UNC13C: variants seen among roughly 807,000 people sequenced by gnomAD.
The protein encoded by UNC13C is protein unc-13 homolog C.
In UNC13C, 174 loss-of-function variants were observed where a neutral mutation model predicts 245.4. That is an observed-to-expected ratio of 0.71 (90% CI 0.63 to 0.80). The LOEUF (loss-of-function observed/expected upper bound fraction) is 0.80. Ranked by LOEUF, UNC13C falls within the 30% of genes least tolerant of loss-of-function variation. UNC13C has a pLI of 0.00. For missense variants in UNC13C, 2,829 were observed against 2,602.9 expected (o/e 1.09, Z -1.89); for synonymous variants, 992 against 895.1 (o/e 1.11, Z -1.93).
chr15:53,906,953 G>A, the UNC13C span, among the ~76,000 whole-genome samples: 1 of 151,318 alleles, frequency 6.6e-6, no homozygotes, highest in African/African-American at 2.4e-5. Flanking sequence ...CATGATAACA[G>A]CATGGGGGAA....
chr15:54,469,296 G>C (rs1892333200), intron 19 of UNC13C, among the ~76,000 whole-genome samples: 1 of 151,512 alleles, frequency 6.6e-6, no homozygotes, highest in Non-Finnish European at 1.5e-5. Flanking sequence ...ACTTCACTGA[G>C]TTCCTTTATG....
chr15:53,965,887 GAC>G, the UNC13C span, among the ~76,000 whole-genome samples: 1 of 152,060 alleles, frequency 6.6e-6, no homozygotes, highest in Non-Finnish European at 1.5e-5. Flanking sequence ...CCCTACAAAG[GAC>G]ATGAACTCAT....
chr15:54,239,837 G>T (rs1217156381), intron 7 of UNC13C, among the ~76,000 whole-genome samples: 2 of 152,296 alleles, frequency 1.3e-5, no homozygotes, highest in South Asian at 2.1e-4. Flanking sequence ...ACATCCTCTG[G>T]TGTAGGAGAA....
chr15:54,369,815 G>C (rs1036168017), intron 17 of UNC13C, among the ~76,000 whole-genome samples: 2 of 152,112 alleles, frequency 1.3e-5, no homozygotes, highest in Non-Finnish European at 2.9e-5. Flanking sequence ...AAAACCAAAA[G>C]GGTATGTGGG....
At chr15:54,406,334 A>G (rs1040048608) in intron 18 of UNC13C, among the ~76,000 whole-genome samples, 4 of 152,120 alleles carry the variant, frequency 2.6e-5, no homozygotes, top group African/African-American at 9.7e-5. Context: ...TCCTTTTGAT[A>G]TAGGAGCAGC....
At chr15:54,535,555 A>G (rs62022425) in intron 26 of UNC13C, among the ~76,000 whole-genome samples, 14,782 of 152,176 alleles carry the variant, frequency 0.097, 914 homozygotes, top group African/African-American at 0.17. Context: ...CATTCTCCTC[A>G]TCTGCACTTG....
At chr15:53,941,168 G>A in the UNC13C span, among the ~76,000 whole-genome samples, 136,496 of 152,174 alleles carry the variant, frequency 0.9, 61,582 homozygotes, top group Middle Eastern at 0.95. Flanking sequence ...ACAACCATCT[G>A]ATCTTTGACA....
chr15:54,384,286 G>A lies in UNC13C; in HGVS notation c.4714-8762G>A, dbSNP rs149376791. ...TTACAAAGCTATTGTAACCATGACA[G>A]CATGGTATTTGTATGAAAGTAAACA... On this transcript the variant is annotated intron_variant, in intron 17 of 32. Coordinates refer to ENST00000260323, the MANE Select transcript of UNC13C (RefSeq NM_001080534.3). Among the ~76,000 whole-genome samples, 537 of 152,228 alleles carry A rather than the reference G, an allele frequency of 3.5e-3. 2 individuals carry two copies. Among genetic ancestry groups the A allele is most frequent in the Non-Finnish European group, 5.7e-3 (385 of 67,998 alleles).
chr15:53,946,113 T>A, the UNC13C span, among the ~76,000 whole-genome samples: 1 of 152,168 alleles, frequency 6.6e-6, no homozygotes, highest in Admixed American at 6.5e-5. Flanking sequence ...CTAACATTGT[T>A]TATCTGCTGA....
intron 2 of UNC13C, among the ~76,000 whole-genome samples, chr15:54,085,309 T>C (rs1049646774): frequency 6.6e-6 from 1 of 152,190 alleles, no homozygotes; most frequent in Non-Finnish European, 1.5e-5. Context: ...GGAAGTTTAG[T>C]TGCACTTTTG....
At chr15:54,461,845 G>C (rs1005352176) in intron 19 of UNC13C, among the ~76,000 whole-genome samples, 1 of 152,146 alleles carries the variant, frequency 6.6e-6, no homozygotes, top group African/African-American at 2.4e-5. Context: ...TGAGAGTGAG[G>C]AGATTTGAGG....
At chr15:54,620,805 C>G (rs1263223962) in intron 30 of UNC13C, among the ~76,000 whole-genome samples, 1 of 150,226 alleles carries the variant, frequency 6.7e-6, no homozygotes, top group Non-Finnish European at 1.5e-5. Flanking sequence ...AAAAAAACCT[C>G]TCTCCCAAAA....
chr15:53,951,122 T>A, the UNC13C span, among the ~76,000 whole-genome samples: 1 of 152,190 alleles, frequency 6.6e-6, no homozygotes, highest in Non-Finnish European at 1.5e-5. Context: ...TGCCAAACTT[T>A]TAAAAATGAT....
intron 19 of UNC13C, among the ~76,000 whole-genome samples, chr15:54,486,630 G>A (rs1893432296): frequency 6.6e-6 from 1 of 152,066 alleles, no homozygotes; most frequent in African/African-American, 2.4e-5. Flanking sequence ...CAAAGTAAGT[G>A]AAACTTATCT....
chr15:53,882,769 A>G, the UNC13C span, among the ~76,000 whole-genome samples: 3 of 152,208 alleles, frequency 2.0e-5, no homozygotes, highest in Non-Finnish European at 4.4e-5. Flanking sequence ...TACAGAGGTT[A>G]CTAAGCATTA....
chr15:53,965,754 CT>C, the UNC13C span, among the ~76,000 whole-genome samples: 631 of 151,902 alleles, frequency 4.2e-3, 5 homozygotes, highest in African/African-American at 0.014. Context: ...GTGTGATGTT[CT>C]CCTTCCTGTG....
chr15:54,510,249 T>C (rs1894674668), intron 23 of UNC13C, among the ~76,000 whole-genome samples: 2 of 152,192 alleles, frequency 1.3e-5, no homozygotes, highest in African/African-American at 2.4e-5. Flanking sequence ...GATTTCTCCC[T>C]GGTAGGATTG....
At chr15:54,589,008 G>C (rs1898632638) in intron 30 of UNC13C, among the ~76,000 whole-genome samples, 2 of 152,160 alleles carry the variant, frequency 1.3e-5, no homozygotes, top group Non-Finnish European at 2.9e-5. Context: ...CCAGTAGTGA[G>C]ATTGCTGGAT....
chr15:53,967,876 A>G, the UNC13C span: 1 of 152,190 alleles, frequency 6.6e-6, no homozygotes, highest in African/African-American at 2.4e-5. Flanking sequence ...TTTTTAAAAA[A>G]TGTATCTGTA....
Sources: gnomAD v4.1 joint callset for allele counts (sites outside exome capture counted in the v4.1 genomes callset) on GRCh38, gnomAD v4.1.1 for gene constraint, MANE v1.5 for transcripts, NCBI Gene and HGNC (gene_info 2026-07-23, HGNC 2026-07-21) for gene names.